Variants in ARRDC5 observed in about 807,000 individuals in gnomAD.
The protein encoded by ARRDC5 is arrestin domain containing 5.
In ARRDC5, 12 loss-of-function variants were observed where a neutral mutation model predicts 13.3. The observed-to-expected ratio is 0.90, with a 90% CI of 0.58 to 1.46. ARRDC5 has a LOEUF of 1.46. Ranked by LOEUF, ARRDC5 falls within the 40% of genes most tolerant of loss-of-function variation. ARRDC5 has a pLI of 0.00. For synonymous variants in ARRDC5, 181 were observed against 173.4 expected (o/e 1.04, Z -0.34); for missense variants, 406 against 418.7 (o/e 0.97, Z 0.26).
intron 2 of ARRDC5, among the ~76,000 whole-genome samples, chr19:4,892,489 C>G (rs557489367): frequency 5.9e-5 from 9 of 151,462 alleles, no homozygotes; most frequent in Middle Eastern, 3.4e-3. Context: ...ATCAGCCTCC[C>G]AAGTAGCAGG....
chr19:4,912,067 C>A, the ARRDC5 span, among the ~76,000 whole-genome samples: 4 of 152,174 alleles, frequency 2.6e-5, no homozygotes, highest in African/African-American at 9.7e-5. Context: ...TGATTAATTT[C>A]TCTGGCTTGC....
At chr19:4,900,973 T>C (rs769465136) in intron 1 of ARRDC5, among the ~76,000 whole-genome samples, 52 of 150,566 alleles carry the variant, frequency 3.5e-4, no homozygotes, top group Non-Finnish European at 6.8e-4. Flanking sequence ...GAGCCAAGAT[T>C]ACGCCACTGC....
chr19:4,899,277 A>C (rs2031835656), intron 1 of ARRDC5, among the ~76,000 whole-genome samples: 1 of 150,292 alleles, frequency 6.7e-6, no homozygotes, highest in Non-Finnish European at 1.5e-5. Flanking sequence ...GCGCCACTGC[A>C]CTCCAGCCTG....
chr19:4,896,347 TA>T lies in ARRDC5; in HGVS notation c.459+323del, dbSNP rs1233390388. On this transcript the variant is annotated intron_variant, in intron 2 of 2. Coordinates refer to ENST00000650722, the MANE Select transcript of ARRDC5 (RefSeq NM_001080523.3). ...AAAAAAAAATATATATATATATATATATTTTTTTTTTTTTACACACACACAC... is the reference window on the plus strand; with the variant it reads ...AAAAAAAAATATATATATATATATATTTTTTTTTTTTTTACACACACACAC... Among the ~76,000 whole-genome samples the T allele has an allele frequency of 4.5e-3, 192 of 42,580 alleles. 5 individuals are homozygous for T. Among genetic ancestry groups the T allele is most frequent in the African/African-American group, 0.018 (152 of 8,394 alleles). 27.9% of individuals were successfully genotyped at this position (42,580 alleles called of 152,430 possible). A position where few individuals can be genotyped will look rare whatever the true frequency, so the allele number is the denominator to read the frequency against.
At chr19:4,897,270 T>G (rs2031768992) in intron 1 of ARRDC5, among the ~76,000 whole-genome samples, 2 of 152,006 alleles carry the variant, frequency 1.3e-5, no homozygotes, top group South Asian at 4.1e-4. Flanking sequence ...TTTTGCTTGA[T>G]TTATTGTTTT....
At chr19:4,898,328 C>A (rs1599217442) in intron 1 of ARRDC5, among the ~76,000 whole-genome samples, 1 of 152,068 alleles carries the variant, frequency 6.6e-6, no homozygotes, top group East Asian at 1.9e-4. Flanking sequence ...TGGCCCATGG[C>A]AATCCCAAAG....
chr19:4,903,853 A>C (rs2032001600), upstream of ARRDC5, among the ~76,000 whole-genome samples: 1 of 152,152 alleles, frequency 6.6e-6, no homozygotes, highest in African/African-American at 2.4e-5. Context: ...ATTGGTCTAT[A>C]TTGGAAAAAA....
chr19:4,893,044 A>T (rs1271904037), intron 2 of ARRDC5, among the ~76,000 whole-genome samples: 1 of 148,844 alleles, frequency 6.7e-6, no homozygotes, highest in Admixed American at 7.0e-5. Flanking sequence ...TGGAGGTTGA[A>T]GTTAGCTGAG....
upstream of ARRDC5, among the ~76,000 whole-genome samples, chr19:4,905,441 C>T (rs958990692): frequency 2.4e-4 from 37 of 151,190 alleles, no homozygotes; most frequent in African/African-American, 8.8e-4. Context: ...TTTCTTAAAA[C>T]ATTATGAGAT....
chr19:4,894,725 AGAAGAAGAG>A (rs1209536449), intron 2 of ARRDC5, among the ~76,000 whole-genome samples: 80 of 142,062 alleles, frequency 5.6e-4, no homozygotes, highest in East Asian at 1.8e-3. Flanking sequence ...AAGGAGAAGA[AGAAGAAGAG>A]GAAGAGGAAG....
the ARRDC5 span, chr19:4,910,153 C>G: frequency 1.3e-5 from 2 of 151,430 alleles, no homozygotes; most frequent in Admixed American, 1.3e-4. Context: ...CGTGGGCTCG[C>G]TGGCGCGACC....
In ARRDC5 at chr19:4,896,872, ATT is replaced by A. The variant is rs770397590; in HGVS notation, c.256_257del (p.Asn86LeufsTer10). 1 of 1,612,848 alleles carries A rather than the reference ATT, an allele frequency of 6.2e-7. No homozygotes were observed. The highest frequency in any genetic ancestry group is 8.5e-7 in the Non-Finnish European group (1 of 1,179,124). ...HKTKTFPVEDNWLSAGSHTFD... is the reference protein window; with the variant it reads ...HKTKTFPVEDXWLSAGSHTFD... ...AGGTGTGGCTGCCTGCACTTAACCA[ATT>A]ATCTGAAAGCAAAACACACCGATGC... On this transcript the variant is annotated frameshift_variant and splice_region_variant, in exon 2 of 3. Transcript: ENST00000650722. LOFTEE classifies it high-confidence loss of function.
At chr19:4,915,387 G>T in the ARRDC5 span, among the ~76,000 whole-genome samples, 1 of 152,160 alleles carries the variant, frequency 6.6e-6, no homozygotes, top group Non-Finnish European at 1.5e-5. Context: ...TAAACCGGTG[G>T]GCGTGGCTTT....
chr19:4,892,642 A>C (rs1024084700), intron 2 of ARRDC5, among the ~76,000 whole-genome samples: 12 of 152,098 alleles, frequency 7.9e-5, no homozygotes, highest in Admixed American at 7.2e-4. Flanking sequence ...TACAGGCATG[A>C]GCCACTGTGC....
intron 1 of ARRDC5, among the ~76,000 whole-genome samples, chr19:4,899,507 C>T (rs2146255312): frequency 6.6e-6 from 1 of 151,890 alleles, no homozygotes; most frequent in Admixed American, 6.6e-5. Context: ...TGGCATGCGC[C>T]TGTAATCCCA....
the ARRDC5 span, among the ~76,000 whole-genome samples, chr19:4,915,805 T>G: frequency 6.6e-6 from 1 of 152,246 alleles, no homozygotes; most frequent in African/African-American, 2.4e-5. Context: ...TTGCATACTT[T>G]AATCCAGCCT....
intron 2 of ARRDC5, among the ~76,000 whole-genome samples, chr19:4,896,358 TTTTACACACAC>T (rs1272406639): frequency 1.8e-4 from 15 of 84,656 alleles, no homozygotes; most frequent in African/African-American, 7.1e-4. Context: ...ATTTTTTTTT[TTTTACACACAC>T]ACACACACAC....
intron 2 of ARRDC5, among the ~76,000 whole-genome samples, chr19:4,894,972 C>T (rs149448423): frequency 2.0e-5 from 3 of 152,156 alleles, no homozygotes; most frequent in South Asian, 2.1e-4. Flanking sequence ...TTCGAAAATT[C>T]GTAGCATGCG....
chr19:4,895,442 A>T (rs1297763470), intron 2 of ARRDC5, among the ~76,000 whole-genome samples: 1 of 150,970 alleles, frequency 6.6e-6, no homozygotes, highest in Non-Finnish European at 1.5e-5. Context: ...AAAAAAAAAA[A>T]AAAAAGAAAG....
Sources: allele counts gnomAD v4.1 joint callset (sites outside exome capture counted in the v4.1 genomes callset), GRCh38; gene constraint gnomAD v4.1.1; transcripts MANE v1.5; gene names NCBI Gene and HGNC (gene_info 2026-07-23, HGNC 2026-07-21).